Variants in KHDRBS3 observed in about 807,000 individuals in gnomAD.
KHDRBS3 encodes the protein KH RNA binding domain containing, signal transduction associated 3, also known as KH domain-containing, RNA-binding, signal transduction-associated protein 3.
A neutral mutation model predicts 45.6 loss-of-function variants in KHDRBS3; 23 were observed. The ratio of observed to expected loss-of-function variants is 0.50; its 90% confidence interval spans 0.36 to 0.72. The LOEUF (loss-of-function observed/expected upper bound fraction) is 0.72, where lower values mean the gene tolerates loss of function less well. KHDRBS3 is among the 30% of genes least tolerant of loss of function. KHDRBS3 has a pLI of 0.00. For synonymous variants in KHDRBS3, 162 were observed against 156.5 expected (o/e 1.04, Z -0.26); for missense variants, 352 against 424.8 (o/e 0.83, Z 1.51).
At chr8:135,523,826 T>C (rs1825039531) in intron 2 of KHDRBS3, among the ~76,000 whole-genome samples, 1 of 152,140 alleles carries the variant, frequency 6.6e-6, no homozygotes, top group African/African-American at 2.4e-5. Context: ...TTTTTTTGAA[T>C]GCTTTTTCTA....
chr8:135,515,630 G>A (rs1029028889), intron 1 of KHDRBS3, among the ~76,000 whole-genome samples: 1 of 152,094 alleles, frequency 6.6e-6, no homozygotes, highest in Non-Finnish European at 1.5e-5. Context: ...CTTGGCAGGA[G>A]AGAGAAGTGA....
At chr8:135,613,504 C>CT (rs1829788764) in intron 7 of KHDRBS3, among the ~76,000 whole-genome samples, 2 of 151,764 alleles carry the variant, frequency 1.3e-5, no homozygotes, top group South Asian at 4.1e-4. Flanking sequence ...ACTCCGTTGT[C>CT]TCTGCTTGAG....
At chr8:135,537,294 C>A (rs763768760) in intron 2 of KHDRBS3, among the ~76,000 whole-genome samples, 5 of 152,118 alleles carry the variant, frequency 3.3e-5, no homozygotes, top group Non-Finnish European at 7.3e-5. Context: ...TTATACTAAT[C>A]AGCTTTTTGG....
chr8:135,539,762 A>C (rs1019249497), intron 2 of KHDRBS3: 20 of 152,230 alleles, frequency 1.3e-4, no homozygotes, highest in Admixed American at 3.3e-4. Context: ...ATGGTTGAAC[A>C]GAGTTGAGAG....
chr8:135,529,680 A>G (rs894278686), intron 2 of KHDRBS3, among the ~76,000 whole-genome samples: 7 of 152,164 alleles, frequency 4.6e-5, no homozygotes, highest in African/African-American at 1.7e-4. Context: ...ATCCTTATAT[A>G]TAGGCCTCCT....
intron 7 of KHDRBS3, among the ~76,000 whole-genome samples, chr8:135,613,788 A>C (rs1380848981): frequency 1.3e-5 from 2 of 151,594 alleles, no homozygotes; most frequent in African/African-American, 2.4e-5. Context: ...CCTGAAAACA[A>C]ACTTGAGTAA....
intron 1 of KHDRBS3, among the ~76,000 whole-genome samples, chr8:135,465,453 ATGT>A (rs1315029164): frequency 6.6e-6 from 1 of 152,188 alleles, no homozygotes; most frequent in Non-Finnish European, 1.5e-5. Context: ...GGGTAATTTT[ATGT>A]TGTTAGAATT....
At position 135,498,712 on chromosome 8, in the gene KHDRBS3, TTA is replaced by T. The variant is rs1823583957; in HGVS notation, c.89-22524_89-22523del. ...GAAAAGTTGTTTTTTCTTCTTTTTT[TTA>T]AAAATATCATTACGTATGCATAGAT... On this transcript the variant is annotated intron_variant, in intron 1 of 8. Coordinates refer to ENST00000355849, the MANE Select transcript of KHDRBS3 (RefSeq NM_006558.3). Among the ~76,000 whole-genome samples the T allele has an allele frequency of 2.6e-5, 4 of 152,324 alleles. No homozygotes were observed. The East Asian group carries it at 7.7e-4, about 29-fold the overall frequency.
chr8:135,579,355 CAG>C (rs1473541008), intron 5 of KHDRBS3, among the ~76,000 whole-genome samples: 1 of 152,120 alleles, frequency 6.6e-6, no homozygotes, highest in Non-Finnish European at 1.5e-5. Flanking sequence ...TTTCTTGAGA[CAG>C]AGTCTCGCTC....
At chr8:135,487,598 G>C (rs1209727834) in intron 1 of KHDRBS3, among the ~76,000 whole-genome samples, 1 of 152,216 alleles carries the variant, frequency 6.6e-6, no homozygotes, top group African/African-American at 2.4e-5. Flanking sequence ...ACAAGTCATG[G>C]ATATGTTTGG....
intron 1 of KHDRBS3, among the ~76,000 whole-genome samples, chr8:135,459,321 T>G (rs1460143686): frequency 2.6e-5 from 4 of 152,214 alleles, no homozygotes; most frequent in African/African-American, 9.7e-5. Flanking sequence ...TTTGAATTGT[T>G]GAACAGAAAT....
At chr8:135,639,895 C>T (rs772324335) in intron 7 of KHDRBS3, among the ~76,000 whole-genome samples, 14 of 152,190 alleles carry the variant, frequency 9.2e-5, no homozygotes, top group Non-Finnish European at 1.6e-4. Flanking sequence ...ACCTCCAACA[C>T]GGGGGATTGC....
At chr8:135,477,191 A>G (rs1236509231) in intron 1 of KHDRBS3, among the ~76,000 whole-genome samples, 1 of 152,176 alleles carries the variant, frequency 6.6e-6, no homozygotes, top group Non-Finnish European at 1.5e-5. Flanking sequence ...TTGATAGATA[A>G]TAATTATCTT....
At chr8:135,640,932 C>T (rs901589442) in intron 7 of KHDRBS3, among the ~76,000 whole-genome samples, 3 of 152,052 alleles carry the variant, frequency 2.0e-5, no homozygotes, top group Non-Finnish European at 4.4e-5. Flanking sequence ...GTACAAGAAA[C>T]GAAATGCTGT....
intron 7 of KHDRBS3, among the ~76,000 whole-genome samples, chr8:135,620,850 C>A (rs1037373479): frequency 6.6e-6 from 1 of 152,150 alleles, no homozygotes; most frequent in African/African-American, 2.4e-5. Context: ...TCCAGCGGAA[C>A]CTGCTGGACT....
intron 2 of KHDRBS3, among the ~76,000 whole-genome samples, chr8:135,527,011 A>G (rs980398421): frequency 2.6e-5 from 4 of 152,040 alleles, no homozygotes; most frequent in Admixed American, 6.6e-5. Flanking sequence ...ATAAACCCCA[A>G]ATCAACATTG....
At chr8:135,590,429 C>A (rs1214911936) in intron 6 of KHDRBS3, among the ~76,000 whole-genome samples, 2 of 152,226 alleles carry the variant, frequency 1.3e-5, no homozygotes, top group Middle Eastern at 3.4e-3. Context: ...TTTCTTTTAA[C>A]CTGCAAAATA....
Position 135,521,337 on chromosome 8 carries a change from C to T in KHDRBS3, c.189C>T (p.Pro63=), listed in dbSNP as rs190397357. 40 of 1,603,784 alleles carry T rather than the reference C, an allele frequency of 2.5e-5. No individual in the cohort carries two copies. The Admixed American group carries it at 3.3e-4, about 13-fold the overall frequency. The change falls in exon 2 of 9, where the codon CCC becomes CCT. Residue 63 remains proline (P), a synonymous_variant. Transcript: ENST00000355849. ...NMKLGQKVLI[P]VKQFPKFNFV... ...AGCTGGGACAGAAAGTGTTAATTCC[C>T]GTAAAACAGTTCCCTAAGGTAAGAC...
At chr8:135,460,295 A>G (rs950223521) in intron 1 of KHDRBS3, among the ~76,000 whole-genome samples, 7 of 152,266 alleles carry the variant, frequency 4.6e-5, no homozygotes, top group African/African-American at 1.4e-4. Context: ...TTAGCGTGCC[A>G]TGTAATAGAT....
Sources: allele counts gnomAD v4.1 joint callset (sites outside exome capture counted in the v4.1 genomes callset), GRCh38; gene constraint gnomAD v4.1.1; transcripts MANE v1.5; gene names NCBI Gene and HGNC (gene_info 2026-07-23, HGNC 2026-07-21).